The following IGDCC3 variants were observed in gnomAD, a reference collection of about 807,000 sequenced individuals.
IGDCC3 encodes putative neuronal cell adhesion molecule.
Under a neutral mutation model 72.0 loss-of-function variants are expected in IGDCC3, and 47 were observed. The observed-to-expected ratio is 0.65, with a 90% CI of 0.52 to 0.83. The LOEUF (loss-of-function observed/expected upper bound fraction) is 0.83, where lower values mean the gene tolerates loss of function less well. Ranked by LOEUF, IGDCC3 falls within the 40% of genes least tolerant of loss-of-function variation. The pLI is 0.00. For synonymous variants in IGDCC3, 477 were observed against 472.8 expected (o/e 1.01, Z -0.11); for missense variants, 1,038 against 1,091.3 (o/e 0.95, Z 0.69).
intron 2 of IGDCC3, among the ~76,000 whole-genome samples, chr15:65,350,769 A>C (rs190984051): frequency 1.9e-4 from 29 of 152,340 alleles, no homozygotes; most frequent in Admixed American, 1.5e-3. Flanking sequence ...ACCAAGAGTC[A>C]GCTCTTATCT....
In IGDCC3 at chr15:65,377,906, G is replaced by GTCCCCCACC; in HGVS notation, c.-119_-118insGGTGGGGGA. The GTCCCCCACC allele has an allele frequency of 1.0e-6, 1 of 954,710 alleles. No homozygotes were observed. The highest frequency in any genetic ancestry group is 1.3e-6 in the Non-Finnish European group (1 of 795,198). 59.1% of individuals were successfully genotyped at this position (954,710 alleles called of 1,614,324 possible). A position where few individuals can be genotyped will look rare whatever the true frequency, so the allele number is the denominator to read the frequency against. On this transcript the variant is annotated 5_prime_UTR_variant, in exon 1 of 14. Transcript: ENST00000327987. This position sits in a 1 kb window ranked among gnomAD's most constrained non-coding sequence, Gnocchi z 4.9. ...GGGGCTCCGGCCGGGGCCGAGCCCA[G>GTCCCCCACC]GCGGTGGGGGACTGGGGCCGCATGC...
At chr15:65,375,486 C>A (rs776311537) in intron 1 of IGDCC3, 84 bp from the exon 2 acceptor site, 5 of 1,166,022 alleles carry the variant, frequency 4.3e-6, no homozygotes, top group Non-Finnish European at 6.0e-6. Context: ...CACATGGTTC[C>A]AAGTTCCTTG....
chr15:65,330,585 G>A lies in IGDCC3; in HGVS notation c.1718C>T (p.Pro573Leu), dbSNP rs2090967813. The change falls in exon 10 of 14, where the codon CCT becomes CTT. Residue 573 changes from proline to leucine, a missense_variant. Coordinates refer to ENST00000327987, the MANE Select transcript of IGDCC3 (RefSeq NM_004884.4). ...KTSFTGPILL[P>L]GTVSSYNLSQ... ...GAGGTTGTAGGAGGAGACGGTTCCA[G>A]GCAGCAGGATGGGGCCGGTGAAGGA... The A allele has an allele frequency of 1.9e-6, 3 of 1,613,628 alleles. No individual in the cohort carries two copies. The highest frequency in any genetic ancestry group is 4.5e-5 in the East Asian group (2 of 44,888).
At position 65,331,734 on chromosome 15, in the gene IGDCC3, G is replaced by A. The variant is rs964735270; in HGVS notation, c.1149-75C>T. ...CAAATCTCCCCATTTGAAAGATGGA[G>A]AAACTGAGTCTTTCCAGGAGACAAA... On this transcript the variant is annotated intron_variant, in intron 7 of 13. Transcript: ENST00000327987. The A allele has an allele frequency of 4.0e-6, 6 of 1,488,538 alleles. No homozygotes were observed. The African/African-American group carries it at 8.4e-5, about 21-fold the overall frequency. 92.2% of individuals were successfully genotyped at this position (1,488,538 alleles called of 1,614,324 possible). A position where few individuals can be genotyped will look rare whatever the true frequency, so the allele number is the denominator to read the frequency against.
At chr15:65,363,553 C>G (rs2091273581) in intron 2 of IGDCC3, among the ~76,000 whole-genome samples, 1 of 152,206 alleles carries the variant, frequency 6.6e-6, no homozygotes, top group African/African-American at 2.4e-5. Context: ...GCCACCTTCC[C>G]TGGGGGCTGT....
chr15:65,372,200 GTGTGC>G (rs960663235), intron 2 of IGDCC3, among the ~76,000 whole-genome samples: 1 of 152,180 alleles, frequency 6.6e-6, no homozygotes, highest in Non-Finnish European at 1.5e-5. Context: ...AAAGTGTGGG[GTGTGC>G]TGGTCCTCAC....
rs376065547 is a variant in IGDCC3, at chr15:65,330,550, C to A, written c.1753G>T (p.Asp585Tyr). The A allele has an allele frequency of 8.1e-6, 13 of 1,612,706 alleles. No individual in the cohort carries two copies. Among genetic ancestry groups the A allele is most frequent in the Non-Finnish European group, 1.1e-5 (13 of 1,179,580 alleles). ...AGGCTCTGGGCTGTGTCTGCCTCACCGAGCTGGCTGAGGTTGTAGGAGGAG... is the reference window on the plus strand; with the variant it reads ...AGGCTCTGGGCTGTGTCTGCCTCACAGAGCTGGCTGAGGTTGTAGGAGGAG... The part of the protein sequence containing the change: ...TVSSYNLSQL[D>Y]PTAVYEVKLL... The change falls in exon 10 of 14, where the codon GAC becomes TAC. Residue 585 changes from aspartate to tyrosine, a missense_variant and splice_region_variant. Physicochemically the swap from Asp to Tyr is radical, Grantham distance 160 (BLOSUM62 -3). Transcript: ENST00000327987.
rs536094798 is a variant in IGDCC3 at position 65,377,721 on chromosome 15, G to C, written c.68C>G (p.Pro23Arg). 2.2e-6 allele frequency: 3 copies of C among 1,380,370 alleles called. No individual in the cohort carries two copies. In the African/African-American group the frequency reaches 4.5e-5, roughly 21 times the overall value. The allele number at this position is 1,380,370 out of a possible 1,614,324, so 85.5% of individuals were successfully genotyped here. A position where few individuals can be genotyped will look rare whatever the true frequency, so the allele number is the denominator to read the frequency against. Residue 23 changes from proline (P) to arginine (R), a missense_variant, in exon 1 of 14, where the codon CCG becomes CGG. Transcript: ENST00000327987. This position sits in a 1 kb window ranked among gnomAD's most constrained non-coding sequence, Gnocchi z 4.9. The stretch of plus-strand genomic sequence containing the variant: ...CGCGGGCAGCAGCAGCAACAGCAGC[G>C]GCAGCAGGAGCCGGGGCCAGAGCGG... ...PAPLWPRLLL[P>R]LLLLLLPAPS...
chr15:65,368,197 C>CA (rs1220260325), intron 2 of IGDCC3, among the ~76,000 whole-genome samples: 1 of 137,550 alleles, frequency 7.3e-6, no homozygotes, highest in African/African-American at 2.6e-5. Flanking sequence ...CACACACACA[C>CA]ACCAGCCTGC....
chr15:65,367,618 C>CCCCCCGCCACCCG (rs1567072005), intron 2 of IGDCC3, among the ~76,000 whole-genome samples: 1 of 152,038 alleles, frequency 6.6e-6, no homozygotes, highest in Non-Finnish European at 1.5e-5. Flanking sequence ...AAATGTAAGG[C>CCCCCCGCCACCCG]CTCCCGCCAC....
intron 7 of IGDCC3, 51 bp downstream of exon 7, chr15:65,331,890 G>C (rs686739): frequency 0.98 from 1,538,025 of 1,573,078 alleles, 752,535 homozygotes; most frequent in East Asian, 1. Context: ...TCCAGGCCCC[G>C]CTTTCCCTGC....
In IGDCC3 at chr15:65,375,408, T is replaced by C. The variant is rs200021760; in HGVS notation, c.104-6A>G. ...TTCAGCAGAGTGGCCAAGACCTGCATTGGGGAAGGGGAGATGGAAGGAAAT... is the reference window on the plus strand; with the variant it reads ...TTCAGCAGAGTGGCCAAGACCTGCACTGGGGAAGGGGAGATGGAAGGAAAT... On this transcript the variant is annotated splice_region_variant and splice_polypyrimidine_tract_variant and intron_variant, in intron 1 of 13. Transcript: ENST00000327987. 185 of 1,591,670 alleles carry C rather than the reference T, an allele frequency of 1.2e-4. No homozygotes were observed. The Admixed American group carries it at 1.2e-3, about 10-fold the overall frequency.
intron 2 of IGDCC3, among the ~76,000 whole-genome samples, chr15:65,345,941 C>T (rs1460372642): frequency 6.6e-6 from 1 of 152,138 alleles, no homozygotes; most frequent in Non-Finnish European, 1.5e-5. Flanking sequence ...CAAAGCTGTC[C>T]TCAGCGGGGA....
At chr15:65,341,553 C>T (rs1022909071) in intron 2 of IGDCC3, among the ~76,000 whole-genome samples, 2 of 152,310 alleles carry the variant, frequency 1.3e-5, no homozygotes, top group African/African-American at 4.8e-5. Context: ...AGGAGGAAAT[C>T]CTGACACATG....
intron 2 of IGDCC3, among the ~76,000 whole-genome samples, chr15:65,350,838 C>T (rs922507600): frequency 1.3e-5 from 2 of 152,094 alleles, no homozygotes; most frequent in African/African-American, 2.4e-5. Flanking sequence ...ATCAAAATCT[C>T]GAATTTACCA....
chr15:65,372,608 G>A (rs912286226), intron 2 of IGDCC3, among the ~76,000 whole-genome samples: 1 of 152,108 alleles, frequency 6.6e-6, no homozygotes, highest in African/African-American at 2.4e-5. Context: ...GCCTCCCTGG[G>A]TTAGTCTGCT....
At chr15:65,356,066 A>G in intron 2 of IGDCC3, 1 of 261,698 alleles carries the variant, frequency 3.8e-6, no homozygotes, top group South Asian at 3.1e-5. Flanking sequence ...GCAGATTCTC[A>G]GGGGCGCTCT....
chr15:65,369,706 C>T (rs2091311414), intron 2 of IGDCC3, among the ~76,000 whole-genome samples: 1 of 152,102 alleles, frequency 6.6e-6, no homozygotes, highest in Non-Finnish European at 1.5e-5. Flanking sequence ...TTCCACACAC[C>T]AGGCCTGAGC....
At chr15:65,342,359 C>T (rs1288919723) in intron 2 of IGDCC3, among the ~76,000 whole-genome samples, 2 of 151,114 alleles carry the variant, frequency 1.3e-5, no homozygotes, top group Non-Finnish European at 2.9e-5. Context: ...GCACTCCAGC[C>T]TGGGCAACAA....
Sources: gnomAD v4.1 joint callset for allele counts (sites outside exome capture counted in the v4.1 genomes callset) on GRCh38, gnomAD v4.1.1 for gene constraint, Gnocchi (gnomAD v3.1) non-coding constraint, MANE v1.5 for transcripts, NCBI Gene and HGNC (gene_info 2026-07-23, HGNC 2026-07-21) for gene names.